STX8: variants seen among roughly 807,000 people sequenced by gnomAD.
The protein encoded by STX8 is syntaxin-8.
In STX8, 23 loss-of-function variants were observed where a neutral mutation model predicts 37.5. The ratio of observed to expected loss-of-function variants is 0.61; its 90% CI spans 0.44 to 0.87. The LOEUF (loss-of-function observed/expected upper bound fraction) is 0.87, where lower values mean the gene tolerates loss of function less well. Among genes scored for constraint, STX8 ranks in the 40% least tolerant of loss-of-function variants. STX8 has a pLI of 0.00. For missense variants in STX8, 313 were observed against 284.7 expected, an observed-to-expected ratio of 1.10 and a Z score of -0.71; for synonymous variants, 115 against 99.1, an observed-to-expected ratio of 1.16 and a Z score of -0.95.
intron 1 of STX8, among the ~76,000 whole-genome samples, chr17:9,571,689 G>A (rs1039620096): frequency 2.0e-5 from 3 of 151,724 alleles, no homozygotes; most frequent in Admixed American, 6.6e-5. Flanking sequence ...GCCAAGACGG[G>A]TGATCACCTG....
At chr17:9,552,148 G>C (rs991233924) in intron 3 of STX8, among the ~76,000 whole-genome samples, 5 of 151,962 alleles carry the variant, frequency 3.3e-5, no homozygotes, top group Admixed American at 1.3e-4. Context: ...CTAGAAGTTC[G>C]AGACCAGCCT....
intron 7 of STX8, among the ~76,000 whole-genome samples, chr17:9,279,555 CA>C (rs2142150079): frequency 6.6e-6 from 1 of 152,268 alleles, no homozygotes; most frequent in South Asian, 2.1e-4. Context: ...TAAGGTTGTA[CA>C]GAAGTAGAAA....
At chr17:9,329,361 C>A (rs73267991) in intron 7 of STX8, among the ~76,000 whole-genome samples, 10,726 of 152,170 alleles carry the variant, frequency 0.07, 1,228 homozygotes, top group African/African-American at 0.24. Flanking sequence ...GAGTCAGGAC[C>A]AGCTCATTTT....
At position 9,404,463 on chromosome 17, in the gene STX8, C is replaced by CT. The variant is rs34954709; in HGVS notation, c.542-25811dup. ...TGTCATAAAAGAAGTCAAAAGTAGT[C>CT]TTTTTTTTTTTGGATGGAGTCTCGC... On this transcript the variant is annotated intron_variant, in intron 6 of 7. Transcript: ENST00000306357. Among the ~76,000 whole-genome samples the CT allele has an allele frequency of 6.2e-3, 924 of 148,820 alleles. 11 individuals are homozygous for CT. Among genetic ancestry groups the CT allele is most frequent in the South Asian group, 0.021 (101 of 4,728 alleles).
chr17:9,263,634 T>A (rs116956464), intron 7 of STX8, among the ~76,000 whole-genome samples: 1 of 152,226 alleles, frequency 6.6e-6, no homozygotes, highest in Non-Finnish European at 1.5e-5. Context: ...TACTAGACTT[T>A]GAGGTTATTT....
chr17:9,459,723 G>A (rs1173384016), intron 6 of STX8, among the ~76,000 whole-genome samples: 1 of 152,142 alleles, frequency 6.6e-6, no homozygotes, highest in Non-Finnish European at 1.5e-5. Context: ...CACCATATCA[G>A]CCAGGATGGT....
intron 7 of STX8, among the ~76,000 whole-genome samples, chr17:9,354,123 T>C (rs1910799743): frequency 6.6e-6 from 1 of 152,186 alleles, no homozygotes; most frequent in East Asian, 1.9e-4. Context: ...TCTTTCATTA[T>C]AGGAGTATTT....
intron 7 of STX8, among the ~76,000 whole-genome samples, chr17:9,366,228 C>T (rs986883061): frequency 2.6e-5 from 4 of 152,082 alleles, no homozygotes; most frequent in Admixed American, 6.6e-5. Flanking sequence ...GCCTGTGTTA[C>T]ATTTTTGTTT....
intron 6 of STX8, among the ~76,000 whole-genome samples, chr17:9,401,511 C>A (rs989034946): frequency 2.0e-5 from 3 of 152,166 alleles, no homozygotes; most frequent in Non-Finnish European, 4.4e-5. Context: ...ACATGGATTA[C>A]GTAACTTGTC....
intron 6 of STX8, chr17:9,464,657 T>G (rs950878690): frequency 6.6e-6 from 1 of 151,126 alleles, no homozygotes; most frequent in Non-Finnish European, 1.5e-5. Context: ...AAAACAAGTG[T>G]GGGAGGGACC....
intron 6 of STX8, among the ~76,000 whole-genome samples, chr17:9,468,408 C>T (rs1055580615): frequency 1.1e-4 from 17 of 152,252 alleles, no homozygotes; most frequent in African/African-American, 4.1e-4. Flanking sequence ...CTGCACCCAG[C>T]AATATAGTGG....
At chr17:9,541,350 C>G (rs1322820640) in intron 4 of STX8, among the ~76,000 whole-genome samples, 1 of 152,140 alleles carries the variant, frequency 6.6e-6, no homozygotes, top group East Asian at 1.9e-4. Flanking sequence ...TGGGGTCAGA[C>G]AGACCACGTC....
intron 6 of STX8, among the ~76,000 whole-genome samples, chr17:9,395,426 T>G (rs1384417201): frequency 1.3e-5 from 2 of 151,512 alleles, no homozygotes; most frequent in Non-Finnish European, 2.9e-5. Context: ...GCCACCATGG[T>G]AAAAATAAAA....
At chr17:9,449,167 A>T (rs1904954031) in intron 6 of STX8, among the ~76,000 whole-genome samples, 1 of 152,198 alleles carries the variant, frequency 6.6e-6, no homozygotes, top group South Asian at 2.1e-4. Flanking sequence ...GAGAAATAAA[A>T]ACAATTGTTC....
At chr17:9,436,236 T>G (rs1904426495) in intron 6 of STX8, among the ~76,000 whole-genome samples, 1 of 150,584 alleles carries the variant, frequency 6.6e-6, no homozygotes. Context: ...TCCCAGCTAC[T>G]TGGGGGGCTG....
intron 4 of STX8, among the ~76,000 whole-genome samples, chr17:9,520,803 T>C (rs2142524036): frequency 6.6e-6 from 1 of 152,332 alleles, no homozygotes; most frequent in African/African-American, 2.4e-5. Context: ...TAGCAGTGAA[T>C]TCCAAGAAGT....
At chr17:9,376,407 TA>T (rs1204618838) in intron 7 of STX8, among the ~76,000 whole-genome samples, 1 of 151,832 alleles carries the variant, frequency 6.6e-6, no homozygotes, top group African/African-American at 2.4e-5. Flanking sequence ...CAGCACTCTG[TA>T]AAAATAGACC....
intron 5 of STX8, among the ~76,000 whole-genome samples, chr17:9,495,146 G>A (rs1176072727): frequency 1.3e-5 from 2 of 152,110 alleles, no homozygotes; most frequent in African/African-American, 4.8e-5. Context: ...AACGGTGTGA[G>A]GTAACAACCC....
At chr17:9,539,608 A>T (rs1906195996) in intron 4 of STX8, among the ~76,000 whole-genome samples, 1 of 152,186 alleles carries the variant, frequency 6.6e-6, no homozygotes, top group South Asian at 2.1e-4. Flanking sequence ...GGAAGTCATG[A>T]ATTAAGGGAA....
Sources: allele counts gnomAD v4.1 joint callset (sites outside exome capture counted in the v4.1 genomes callset), GRCh38; gene constraint gnomAD v4.1.1; transcripts MANE v1.5; gene names NCBI Gene and HGNC (gene_info 2026-07-23, HGNC 2026-07-21).